The following TSPAN18 variants were observed in gnomAD, a reference collection of about 807,000 sequenced individuals.
TSPAN18 encodes tetraspanin-18.
In TSPAN18, 14 loss-of-function variants were observed where a neutral mutation model predicts 27.3. The observed-to-expected ratio is 0.51, with a 90% CI of 0.34 to 0.80. The LOEUF is 0.80. Ranked by LOEUF, TSPAN18 falls within the 30% of genes least tolerant of loss-of-function variation. TSPAN18 has a pLI of 0.01. For synonymous variants in TSPAN18, 143 were observed against 136.5 expected, an observed-to-expected ratio of 1.05 and a Z score of -0.33; for missense variants, 268 against 323.9, an observed-to-expected ratio of 0.83 and a Z score of 1.32.
intron 2 of TSPAN18, among the ~76,000 whole-genome samples, chr11:44,779,153 C>T (rs533678603): frequency 6.6e-6 from 1 of 152,028 alleles, no homozygotes; most frequent in Non-Finnish European, 1.5e-5. Flanking sequence ...GGAGAGGCCT[C>T]CATTGTGCTC....
intron 1 of TSPAN18, among the ~76,000 whole-genome samples, chr11:44,727,739 G>C (rs1264041374): frequency 4.6e-5 from 7 of 152,240 alleles, no homozygotes; most frequent in African/African-American, 1.7e-4. Context: ...GAGGGCTGTG[G>C]GGCCCGGCAG....
intron 2 of TSPAN18, among the ~76,000 whole-genome samples, chr11:44,839,127 A>G (rs1421875351): frequency 1.3e-5 from 2 of 152,230 alleles, no homozygotes; most frequent in African/African-American, 4.8e-5. Flanking sequence ...CTATAGCATC[A>G]GCTCCTGCCT....
chr11:44,906,896 G>A (rs920813379), intron 4 of TSPAN18, among the ~76,000 whole-genome samples: 4 of 152,292 alleles, frequency 2.6e-5, no homozygotes, highest in Non-Finnish European at 2.9e-5. Flanking sequence ...TGTAGCCACC[G>A]GATATAATCA....
At chr11:44,910,404 G>A (rs914461592) in intron 5 of TSPAN18, among the ~76,000 whole-genome samples, 2 of 152,190 alleles carry the variant, frequency 1.3e-5, no homozygotes, top group Non-Finnish European at 2.9e-5. Flanking sequence ...TGCCTTGGTG[G>A]CCCCAGCTTC....
chr11:44,790,611 CGT>C (rs150864803), intron 2 of TSPAN18, among the ~76,000 whole-genome samples: 20,171 of 149,018 alleles, frequency 0.14, 1,719 homozygotes, highest in Middle Eastern at 0.2. Flanking sequence ...TGCATGTGTT[CGT>C]GTGTGTGTGT....
At chr11:44,767,489 C>T (rs910568450) in intron 2 of TSPAN18, among the ~76,000 whole-genome samples, 5 of 152,212 alleles carry the variant, frequency 3.3e-5, no homozygotes, top group Non-Finnish European at 7.3e-5. Context: ...CTCCAATTCA[C>T]CACCCAGTCT....
intron 2 of TSPAN18, among the ~76,000 whole-genome samples, chr11:44,839,072 G>A (rs1406338589): frequency 6.6e-6 from 1 of 152,170 alleles, no homozygotes; most frequent in East Asian, 1.9e-4. Flanking sequence ...GGCAGGAAGA[G>A]CAAAAATGGG....
intron 2 of TSPAN18, among the ~76,000 whole-genome samples, chr11:44,812,787 GTGCCACGGGC>G (rs1317319682): frequency 6.6e-6 from 1 of 152,208 alleles, no homozygotes; most frequent in African/African-American, 2.4e-5. Context: ...GGGAGAGGGG[GTGCCACGGGC>G]TGCCCTCAGG....
At chr11:44,815,157 C>T (rs552909123) in intron 2 of TSPAN18, among the ~76,000 whole-genome samples, 2 of 152,226 alleles carry the variant, frequency 1.3e-5, no homozygotes, top group Non-Finnish European at 2.9e-5. Flanking sequence ...GCTAGGCTCC[C>T]ACCTGTAATG....
chr11:44,790,167 ATGTGTGTGTGTGCG>A (rs762482717), intron 2 of TSPAN18, among the ~76,000 whole-genome samples: 1 of 139,662 alleles, frequency 7.2e-6, no homozygotes, highest in East Asian at 3.2e-4. Context: ...GTGTGTGTGC[ATGTGTGTGTGTGCG>A]CATATGTGTG....
At chr11:44,778,333 G>T (rs1372875239) in intron 2 of TSPAN18, among the ~76,000 whole-genome samples, 1 of 152,048 alleles carries the variant, frequency 6.6e-6, no homozygotes, top group Non-Finnish European at 1.5e-5. Flanking sequence ...GGGCCAAGAG[G>T]TGTAAATGGG....
chr11:44,870,421 G>A (rs925738766), intron 3 of TSPAN18, among the ~76,000 whole-genome samples: 1 of 152,224 alleles, frequency 6.6e-6, no homozygotes, highest in African/African-American at 2.4e-5. Context: ...CAAGGCAGAA[G>A]TGTGGTTTCT....
At chr11:44,924,639 T>C (rs1860278743) in intron 8 of TSPAN18, among the ~76,000 whole-genome samples, 1 of 152,144 alleles carries the variant, frequency 6.6e-6, no homozygotes, top group African/African-American at 2.4e-5. Context: ...CTGCCAGGGC[T>C]GATCCCAAAA....
intron 3 of TSPAN18, among the ~76,000 whole-genome samples, chr11:44,905,543 G>A (rs1056173085): frequency 5.9e-5 from 9 of 152,184 alleles, no homozygotes; most frequent in Admixed American, 2.0e-4. Context: ...TGAAAATAAC[G>A]AATATGGAAT....
rs535721960 is a variant in TSPAN18, at chr11:44,790,340, C to T, written c.-153+25828C>T. Among the ~76,000 whole-genome samples the T allele has an allele frequency of 2.2e-5, 3 of 134,492 alleles. No homozygotes were observed. In the South Asian group the frequency reaches 7.5e-4, roughly 34 times the overall value. The allele number at this position is 134,492 out of a possible 152,430, so 88.2% of individuals were successfully genotyped here. ...GTGCATGCTTGTGCACGCATGTGTG[C>T]ATGTGTTGGTGTGTGTGGGTGCGTG... is the stretch of plus-strand genomic sequence containing the variant. On this transcript the variant is annotated intron_variant, in intron 2 of 9. Coordinates refer to ENST00000520358, the MANE Select transcript of TSPAN18 (RefSeq NM_130783.5).
At chr11:44,914,991 C>A (rs945069521) in intron 5 of TSPAN18, among the ~76,000 whole-genome samples, 1 of 152,236 alleles carries the variant, frequency 6.6e-6, no homozygotes, top group Non-Finnish European at 1.5e-5. Context: ...GGAAGCCATG[C>A]GCAGTCATCC....
chr11:44,921,608 G>A (rs140899030), intron 8 of TSPAN18, among the ~76,000 whole-genome samples: 1,615 of 152,256 alleles, frequency 0.011, 31 homozygotes, highest in African/African-American at 0.038. Context: ...GAGGGAGGTG[G>A]CCCCTAGGAT....
intron 3 of TSPAN18, among the ~76,000 whole-genome samples, chr11:44,896,452 G>A (rs965962664): frequency 1.1e-4 from 16 of 152,066 alleles, no homozygotes; most frequent in Admixed American, 5.9e-4. Flanking sequence ...ATGGGCTCAC[G>A]CATGCCAGCA....
chr11:44,799,934 G>A (rs1475076431), intron 2 of TSPAN18, among the ~76,000 whole-genome samples: 2 of 151,588 alleles, frequency 1.3e-5, no homozygotes, highest in East Asian at 1.9e-4. Context: ...GGGTTCAAGC[G>A]ATTCTTGTGT....
Sources: gnomAD v4.1 joint callset for allele counts (sites outside exome capture counted in the v4.1 genomes callset) on GRCh38, gnomAD v4.1.1 for gene constraint, MANE v1.5 for transcripts, NCBI Gene and HGNC (gene_info 2026-07-23, HGNC 2026-07-21) for gene names.